Variants in ABTB3 observed in about 807,000 individuals in gnomAD.
ABTB3 encodes ankyrin repeat- and BTB/POZ domain-containing protein 3.
At chr12:107,370,371 C>T in the ABTB3 span, among the ~76,000 whole-genome samples, 2 of 152,242 alleles carry the variant, frequency 1.3e-5, no homozygotes, top group African/African-American at 2.4e-5. Context: ...GGGACACACA[C>T]TTTCTCTTCT....
chr12:107,618,159 A>C, the ABTB3 span: 1 of 1,613,810 alleles, frequency 6.2e-7, no homozygotes, highest in Non-Finnish European at 8.5e-7. Flanking sequence ...GATTGACAGG[A>C]ATGTGTTCCG....
the ABTB3 span, among the ~76,000 whole-genome samples, chr12:107,330,998 A>G: frequency 1.3e-5 from 2 of 152,102 alleles, no homozygotes; most frequent in African/African-American, 4.8e-5. Flanking sequence ...TGAAATCTTA[A>G]AGTACAGTGC....
the ABTB3 span, among the ~76,000 whole-genome samples, chr12:107,553,749 GCCAAC>G: frequency 6.6e-6 from 1 of 152,136 alleles, no homozygotes; most frequent in Non-Finnish European, 1.5e-5. Flanking sequence ...GACCATCCTG[GCCAAC>G]ATGGCAAAAC....
At chr12:107,652,164 G>A in the ABTB3 span, among the ~76,000 whole-genome samples, 2 of 152,220 alleles carry the variant, frequency 1.3e-5, no homozygotes, top group African/African-American at 4.8e-5. Context: ...TAAGGTTCTA[G>A]AACAGTGGCT....
At chr12:107,541,329 GC>G in the ABTB3 span, among the ~76,000 whole-genome samples, 27 of 152,388 alleles carry the variant, frequency 1.8e-4, no homozygotes, top group African/African-American at 6.0e-4. Context: ...ACTGGTTTCA[GC>G]TGGACAATGA....
the ABTB3 span, among the ~76,000 whole-genome samples, chr12:107,606,053 C>T: frequency 6.6e-6 from 1 of 152,114 alleles, no homozygotes; most frequent in Non-Finnish European, 1.5e-5. Flanking sequence ...CATAGCTGAG[C>T]TCAAGTAGGC....
the ABTB3 span, among the ~76,000 whole-genome samples, chr12:107,383,053 C>T: frequency 6.6e-6 from 1 of 152,180 alleles, no homozygotes; most frequent in Admixed American, 6.5e-5. Flanking sequence ...CCCTTCATTG[C>T]TTCTAGTTCC....
At chr12:107,523,940 C>T in the ABTB3 span, among the ~76,000 whole-genome samples, 1 of 152,172 alleles carries the variant, frequency 6.6e-6, no homozygotes, top group Non-Finnish European at 1.5e-5. Flanking sequence ...GGTCTCAAAG[C>T]TTTGTCCTGG....
chr12:107,499,523 A>G, the ABTB3 span, among the ~76,000 whole-genome samples: 1 of 152,092 alleles, frequency 6.6e-6, no homozygotes, highest in South Asian at 2.1e-4. Context: ...ACACTGCTAT[A>G]AAGAACTACC....
At chr12:107,403,295 C>T in the ABTB3 span, among the ~76,000 whole-genome samples, 1 of 152,108 alleles carries the variant, frequency 6.6e-6, no homozygotes, top group African/African-American at 2.4e-5. Flanking sequence ...TTGCATAAGG[C>T]CTTCTTCATT....
At chr12:107,337,126 C>A in the ABTB3 span, among the ~76,000 whole-genome samples, 1 of 152,240 alleles carries the variant, frequency 6.6e-6, no homozygotes, top group Non-Finnish European at 1.5e-5. Flanking sequence ...TCTGCATAGA[C>A]TTTTGGATCT....
the ABTB3 span, among the ~76,000 whole-genome samples, chr12:107,431,642 A>T: frequency 6.6e-6 from 1 of 152,178 alleles, no homozygotes; most frequent in Non-Finnish European, 1.5e-5. Context: ...CCCCAAAAAA[A>T]GTTAATCCAA....
chr12:107,472,771 T>C, the ABTB3 span, among the ~76,000 whole-genome samples: 1 of 152,210 alleles, frequency 6.6e-6, no homozygotes, highest in Non-Finnish European at 1.5e-5. Flanking sequence ...GAATGGTCAC[T>C]GGAGGAGCTC....
chr12:107,405,864 C>G, the ABTB3 span, among the ~76,000 whole-genome samples: 9 of 152,356 alleles, frequency 5.9e-5, no homozygotes, highest in African/African-American at 2.2e-4. Context: ...GGTCCCCACT[C>G]TGCTCCTCAC....
chr12:107,645,547 C>A, the ABTB3 span, among the ~76,000 whole-genome samples: 1,259 of 152,250 alleles, frequency 8.3e-3, 15 homozygotes, highest in African/African-American at 0.028. Context: ...CTGGGCCCCC[C>A]GCTAAACTCA....
the ABTB3 span, among the ~76,000 whole-genome samples, chr12:107,466,663 G>C: frequency 1.3e-5 from 2 of 152,052 alleles, no homozygotes; most frequent in African/African-American, 4.8e-5. Flanking sequence ...TTGGACTTCT[G>C]CATGGGGTTG....
At chr12:107,514,400 C>T in the ABTB3 span, among the ~76,000 whole-genome samples, 258 of 152,280 alleles carry the variant, frequency 1.7e-3, 2 homozygotes, top group East Asian at 0.023. Context: ...TCAGGGAGAC[C>T]GTGACCCTCC....
chr12:107,345,350 T>G, the ABTB3 span, among the ~76,000 whole-genome samples: 1 of 152,118 alleles, frequency 6.6e-6, no homozygotes, highest in Non-Finnish European at 1.5e-5. Context: ...GCTTTGGAGC[T>G]CTCTATGAAG....
chr12:107,616,977 A>G, the ABTB3 span: 16 of 1,094,432 alleles, frequency 1.5e-5, no homozygotes, highest in Admixed American at 2.6e-4. Context: ...GCTGTCACCA[A>G]CCTAGAGGGA....
Sources: gnomAD v4.1 joint callset for allele counts (sites outside exome capture counted in the v4.1 genomes callset) on GRCh38, gnomAD v4.1.1 for gene constraint, MANE v1.5 for transcripts, NCBI Gene and HGNC (gene_info 2026-07-23, HGNC 2026-07-21) for gene names.